Variants in PCDHA13 observed in about 807,000 individuals in gnomAD.
PCDHA13 encodes protocadherin alpha 13, also known as protocadherin alpha-13.
A neutral mutation model predicts 64.8 loss-of-function variants in PCDHA13; 54 were observed. That is an observed-to-expected ratio of 0.83 (90% CI 0.67 to 1.04). The LOEUF is 1.04. Among genes scored for constraint, PCDHA13 ranks in the 50% least tolerant of loss-of-function variants. The pLI is 0.00. For missense variants in PCDHA13, 1,248 were observed against 1,254.3 expected, an observed-to-expected ratio of 0.99 and a Z score of 0.08; for synonymous variants, 587 against 564.4, an observed-to-expected ratio of 1.04 and a Z score of -0.57.
chr5:140,967,831 C>T (rs2153762943), intron 1 of PCDHA13: 1 of 1,614,130 alleles, frequency 6.2e-7, no homozygotes, highest in Admixed American at 1.7e-5. Flanking sequence ...TGGTGGACAT[C>T]GTGGACGTGA....
At chr5:140,968,349 G>A (rs1554230631) in intron 1 of PCDHA13, 2 of 1,614,128 alleles carry the variant, frequency 1.2e-6, no homozygotes, top group Admixed American at 3.3e-5. Context: ...AACAGTGCCA[G>A]TGGCAGCCTT....
At chr5:140,909,951 G>A (rs560555991) in intron 1 of PCDHA13, among the ~76,000 whole-genome samples, 401 of 152,302 alleles carry the variant, frequency 2.6e-3, no homozygotes, top group African/African-American at 8.3e-3. Context: ...GTAAAAAGCC[G>A]TAGGTCTCCA....
At chr5:140,937,291 C>T (rs940890612) in intron 1 of PCDHA13, among the ~76,000 whole-genome samples, 1 of 152,104 alleles carries the variant, frequency 6.6e-6, no homozygotes, top group African/African-American at 2.4e-5. Flanking sequence ...CCCGCTTCGG[C>T]CTCCCAAAGT....
At chr5:140,989,174 G>T (rs1305141291) in intron 3 of PCDHA13, among the ~76,000 whole-genome samples, 3 of 152,132 alleles carry the variant, frequency 2.0e-5, no homozygotes, top group Non-Finnish European at 4.4e-5. Flanking sequence ...TAAAACAGGA[G>T]AGTTTCTGAA....
At chr5:140,920,842 A>T (rs1377558160) in intron 1 of PCDHA13, among the ~76,000 whole-genome samples, 3 of 127,576 alleles carry the variant, frequency 2.4e-5, no homozygotes, top group Non-Finnish European at 5.0e-5. Context: ...GACCAAATCT[A>T]AAAAAAAAAA....
chr5:140,972,958 G>C (rs918792607), intron 1 of PCDHA13, among the ~76,000 whole-genome samples: 1 of 152,038 alleles, frequency 6.6e-6, no homozygotes, highest in African/African-American at 2.4e-5. Context: ...CACCATGCCC[G>C]GCAAAGGAAA....
intron 3 of PCDHA13, among the ~76,000 whole-genome samples, chr5:140,993,994 A>T (rs1393081374): frequency 6.6e-6 from 1 of 152,234 alleles, no homozygotes; most frequent in African/African-American, 2.4e-5. Context: ...CACTTAGGTC[A>T]GGCCAGGCTC....
chr5:140,973,331 TGTAAAGTGACATAGTA>T (rs782725271), intron 1 of PCDHA13, among the ~76,000 whole-genome samples: 2 of 152,218 alleles, frequency 1.3e-5, no homozygotes, highest in Non-Finnish European at 2.9e-5. Context: ...TTACACTCGT[TGTAAAGTGACATAGTA>T]GTGAATTTAT....
At chr5:140,895,481 A>G (rs1344099308) in intron 1 of PCDHA13, among the ~76,000 whole-genome samples, 1 of 152,168 alleles carries the variant, frequency 6.6e-6, no homozygotes, top group African/African-American at 2.4e-5. Flanking sequence ...CTTCGGAGAA[A>G]TACCTATTCA....
intron 1 of PCDHA13, among the ~76,000 whole-genome samples, chr5:140,961,681 G>A (rs911141843): frequency 3.9e-5 from 6 of 152,152 alleles, no homozygotes; most frequent in African/African-American, 9.7e-5. Context: ...TAATTAAGCC[G>A]GAGTAGTCCT....
chr5:140,883,504 C>G lies in PCDHA13; in HGVS notation c.1236C>G (p.Ala412=). The part of the protein sequence containing the change: ...KNYYSLVLDS[A]LDRESVSAYE... ...ACTACTCATTAGTGCTGGACAGCGCCCTGGACCGCGAGAGCGTATCAGCCT... is the reference window on the plus strand; with the variant it reads ...ACTACTCATTAGTGCTGGACAGCGCGCTGGACCGCGAGAGCGTATCAGCCT... The change falls in exon 1 of 4, where the codon GCC becomes GCG. Residue 412 remains alanine (A), a synonymous_variant. Coordinates refer to ENST00000289272, the MANE Select transcript of PCDHA13 (RefSeq NM_018904.3). 6.2e-7 allele frequency: 1 copy of G among 1,614,172 alleles called. No homozygotes were observed. The highest frequency in any genetic ancestry group is 2.2e-5 in the East Asian group (1 of 44,884).
chr5:140,909,601 C>G (rs1554193864), intron 1 of PCDHA13, among the ~76,000 whole-genome samples: 1 of 152,170 alleles, frequency 6.6e-6, no homozygotes, highest in Non-Finnish European at 1.5e-5. Context: ...TACTATTTTT[C>G]TAGGTAGAGG....
intron 1 of PCDHA13, among the ~76,000 whole-genome samples, chr5:140,906,410 A>T (rs1454575995): frequency 6.6e-6 from 1 of 152,246 alleles, no homozygotes; most frequent in Non-Finnish European, 1.5e-5. Flanking sequence ...ATATGAAGTC[A>T]ATAAATCTTA....
Position 140,882,481 on chromosome 5 carries a change from C to T in PCDHA13, c.213C>T (p.His71=). The T allele has an allele frequency of 1.2e-6, 2 of 1,614,038 alleles. No individual in the cohort carries two copies. The highest frequency in any genetic ancestry group is 1.7e-4 in the Middle Eastern group (1 of 5,920). ...TGTTCCGGGTGGCGTCCAAAAGACA[C>T]GGGGACCTTCTGGAGGTAAATCTGC... ...PRLFRVASKR[H]GDLLEVNLQN... is the part of the protein sequence containing the mutation. Residue 71 remains histidine (H), a synonymous_variant, in exon 1 of 4, where the codon CAC becomes CAT. Transcript: ENST00000289272.
chr5:140,972,766 T>G (rs2096555102), intron 1 of PCDHA13, among the ~76,000 whole-genome samples: 1 of 149,250 alleles, frequency 6.7e-6, no homozygotes, highest in African/African-American at 2.5e-5. Flanking sequence ...CAAGTTAAAG[T>G]GATTCTTCTG....
chr5:140,982,340 G>C (rs1186327832), intron 2 of PCDHA13, 135 bp from the exon 3 acceptor site: 1 of 1,458,038 alleles, frequency 6.9e-7, no homozygotes, highest in East Asian at 2.5e-5. Flanking sequence ...AGCAGTAATT[G>C]CTTCAGTTCA....
At chr5:140,895,485 C>A (rs2065029754) in intron 1 of PCDHA13, among the ~76,000 whole-genome samples, 1 of 152,114 alleles carries the variant, frequency 6.6e-6, no homozygotes, top group African/African-American at 2.4e-5. Flanking sequence ...GGAGAAATAC[C>A]TATTCAGAAC....
chr5:140,992,127 T>G (rs1237289084), intron 3 of PCDHA13, among the ~76,000 whole-genome samples: 1 of 151,584 alleles, frequency 6.6e-6, no homozygotes, highest in Non-Finnish European at 1.5e-5. Flanking sequence ...GGAAGAACAG[T>G]GACTGATGAT....
At chr5:140,903,871 A>G (rs1382306493) in intron 1 of PCDHA13, among the ~76,000 whole-genome samples, 2 of 152,192 alleles carry the variant, frequency 1.3e-5, no homozygotes, top group Non-Finnish European at 2.9e-5. Context: ...GAGTAAAATG[A>G]CAAAGACATT....
Sources: allele counts gnomAD v4.1 joint callset (sites outside exome capture counted in the v4.1 genomes callset), GRCh38; gene constraint gnomAD v4.1.1; transcripts MANE v1.5; gene names NCBI Gene and HGNC (gene_info 2026-07-23, HGNC 2026-07-21).